The following SIN3B variants were observed in gnomAD, a reference collection of about 807,000 sequenced individuals.
The protein encoded by SIN3B is paired amphipathic helix protein Sin3b.
SIN3B carries 19 observed loss-of-function variants against 120.2 expected under a neutral mutation model. The observed-to-expected ratio is 0.16, with a 90% CI of 0.11 to 0.23. SIN3B has a LOEUF of 0.23. Among genes scored for constraint, SIN3B ranks in the 10% least tolerant of loss-of-function variants. The probability of loss-of-function intolerance (pLI) is 1.00; values close to 1 mark genes in which losing one functional copy is unlikely to be tolerated. For synonymous variants in SIN3B, 654 were observed against 653.2 expected (o/e 1.00, Z -0.02); for missense variants, 1,073 against 1,573.0 (o/e 0.68, Z 5.38).
Position 16,878,521 on chromosome 19 carries a change from C to T in SIN3B, c.3187C>T (p.His1063Tyr). 3 of 1,586,862 alleles carry T rather than the reference C, an allele frequency of 1.9e-6. No homozygotes were observed. The highest frequency in any genetic ancestry group is 2.6e-6 in the Non-Finnish European group (3 of 1,167,090). Residue 1063 changes from histidine to tyrosine, a missense_variant, in exon 19 of 19, where the codon CAC becomes TAC. His to Tyr is a moderately conservative substitution (Grantham distance 83). This residue lies in a region of SIN3B where 311 missense variants were observed against 400.3 expected (regional missense o/e 0.78). Coordinates refer to ENST00000248054, the MANE Select transcript of SIN3B (RefSeq NM_001297595.2). ...GGTGCAGCCCCTGGTCCTGCTCCGC[C>T]ACCACCAGCACTTTGAGGAGTGGCA... ...KQVQPLVLLR[H>Y]HQHFEEWHSR...
rs143147625 is a variant in SIN3B at position 16,878,345 on chromosome 19, C to T, written c.3117C>T (p.Ser1039=). 679 of 1,612,610 alleles carry T rather than the reference C, an allele frequency of 4.2e-4. 3 individuals carry two copies. The highest frequency in any genetic ancestry group is 9.2e-4 in the African/African-American group (69 of 75,048). Residue 1039 remains serine, a synonymous_variant, in exon 18 of 19, where the codon TCC becomes TCT. Coordinates refer to ENST00000248054, the MANE Select transcript of SIN3B (RefSeq NM_001297595.2). ...ACAAGATGGTGTTCATCGTGAACTCCGAGGACTACATGTACCGTCGCGGGA... is the reference window on the plus strand; with the variant it reads ...ACAAGATGGTGTTCATCGTGAACTCTGAGGACTACATGTACCGTCGCGGGA... The part of the protein sequence containing the change: ...STHKMVFIVN[S]EDYMYRRGTL...
At chr19:16,831,849 T>A (rs1183333611) in intron 3 of SIN3B, among the ~76,000 whole-genome samples, 1 of 152,090 alleles carries the variant, frequency 6.6e-6, no homozygotes, top group Non-Finnish European at 1.5e-5. Context: ...CCCAAATTGA[T>A]CTGTTTGGAA....
chr19:16,870,585 C>A (rs927058710), intron 13 of SIN3B, among the ~76,000 whole-genome samples: 31 of 151,862 alleles, frequency 2.0e-4, no homozygotes, highest in African/African-American at 7.3e-4. Flanking sequence ...TGGAGTCTTG[C>A]TCTATTGCCC....
chr19:16,876,845 T>C lies in SIN3B; in HGVS notation c.2859+267T>C. ...AGGGCAGGAGGGGAACCAAGCCACC[T>C]CTCCCTGGCCCCCGACTCCCACTCA... On this transcript the variant is annotated intron_variant, in intron 16 of 18. Coordinates refer to ENST00000248054, the MANE Select transcript of SIN3B (RefSeq NM_001297595.2). This position sits in a 1 kb window ranked among gnomAD's most constrained non-coding sequence, Gnocchi z 7.1. 1 of 402,908 alleles carries C rather than the reference T, an allele frequency of 2.5e-6. No homozygotes were observed. Among genetic ancestry groups the C allele is most frequent in the Non-Finnish European group, 4.5e-6 (1 of 222,886 alleles). The allele number at this position is 402,908 out of a possible 1,614,324, so 25.0% of individuals were successfully genotyped here. A position where few individuals can be genotyped will look rare whatever the true frequency, so the allele number is the denominator to read the frequency against.
At chr19:16,875,786 G>A (rs1334209568) in intron 14 of SIN3B, 1 of 500,224 alleles carries the variant, frequency 2.0e-6, no homozygotes, top group Non-Finnish European at 3.5e-6. Flanking sequence ...GGTCTGGTCT[G>A]GTCTGGTCTG....
chr19:16,860,948 C>T (rs750890422), intron 8 of SIN3B, among the ~76,000 whole-genome samples: 6 of 152,086 alleles, frequency 3.9e-5, no homozygotes, highest in Non-Finnish European at 8.8e-5. Context: ...CGGGGTCCTG[C>T]TCTGTTGCCC....
chr19:16,841,985 C>T lies in SIN3B; in HGVS notation c.582+17C>T. 6.2e-7 allele frequency: 1 copy of T among 1,602,482 alleles called. No individual in the cohort carries two copies. Among genetic ancestry groups the T allele is most frequent in the South Asian group, 1.1e-5 (1 of 90,808 alleles). ...ACGTACCAGGTAAGAACTCAGATTA[C>T]AATTCCTTGTGGGTTTTGGATTTCA... On this transcript the variant is annotated intron_variant, in intron 4 of 18. Transcript: ENST00000248054.
Position 16,876,822 on chromosome 19 carries a change from G to A in SIN3B, c.2859+244G>A. 2.2e-6 allele frequency: 1 copy of A among 452,040 alleles called. No individual in the cohort carries two copies. Among genetic ancestry groups the A allele is most frequent in the Non-Finnish European group, 4.0e-6 (1 of 252,216 alleles). The allele number at this position is 452,040 out of a possible 1,614,324, so 28.0% of individuals were successfully genotyped here. On this transcript the variant is annotated intron_variant, in intron 16 of 18. Coordinates refer to ENST00000248054, the MANE Select transcript of SIN3B (RefSeq NM_001297595.2). The surrounding 1 kb of genome is among the most constrained non-coding windows in gnomAD (Gnocchi z 7.1). ...TCCTGAGCAAGCGGTTGTGTCCCAG[G>A]GCAGGAGGGGAACCAAGCCACCTCT...
Position 16,876,331 on chromosome 19 carries a change from G to A in SIN3B, c.2766+103G>A. 1 of 1,433,050 alleles carries A rather than the reference G, an allele frequency of 7.0e-7. No homozygotes were observed. Among genetic ancestry groups the A allele is most frequent in the South Asian group, 1.3e-5 (1 of 76,166 alleles). The allele number at this position is 1,433,050 out of a possible 1,614,324, so 88.8% of individuals were successfully genotyped here. ...CCCTGGTTCAGCGGCTGGGACACCG[G>A]CCCTGCTGCAGAGCCCATGAGGTAC... On this transcript the variant is annotated intron_variant, in intron 15 of 18. Coordinates refer to ENST00000248054, the MANE Select transcript of SIN3B (RefSeq NM_001297595.2). This position sits in a 1 kb window ranked among gnomAD's most constrained non-coding sequence, Gnocchi z 7.1.
At chr19:16,854,613 G>C (rs549258623) in intron 8 of SIN3B, 3 of 184,886 alleles carry the variant, frequency 1.6e-5, no homozygotes, top group African/African-American at 7.2e-5. Context: ...CCATGTCTGC[G>C]TGGATTTTCT....
chr19:16,874,293 T>G (rs1336465017), intron 14 of SIN3B, among the ~76,000 whole-genome samples: 2 of 152,120 alleles, frequency 1.3e-5, no homozygotes, highest in Non-Finnish European at 2.9e-5. Flanking sequence ...GTCTGTTTTG[T>G]TCAGGTCTGG....
At chr19:16,839,928 C>T (rs941494315) in intron 3 of SIN3B, among the ~76,000 whole-genome samples, 1 of 151,974 alleles carries the variant, frequency 6.6e-6, no homozygotes, top group African/African-American at 2.4e-5. Context: ...CACTTGAACC[C>T]GGGAGGCAAA....
chr19:16,850,317 G>T (rs1221768210), intron 5 of SIN3B, among the ~76,000 whole-genome samples: 6 of 152,128 alleles, frequency 3.9e-5, no homozygotes, highest in African/African-American at 1.2e-4. Context: ...TCTTCTCAGA[G>T]GTTAGCACTT....
intron 5 of SIN3B, among the ~76,000 whole-genome samples, chr19:16,850,464 T>C (rs1971530389): frequency 6.6e-6 from 1 of 152,138 alleles, no homozygotes; most frequent in Non-Finnish European, 1.5e-5. Flanking sequence ...TGTTTGTTTG[T>C]TTTATTTCAG....
At chr19:16,872,590 C>T (rs71336795) in intron 14 of SIN3B, 24,974 of 152,072 alleles carry the variant, frequency 0.16, 2,537 homozygotes, top group Non-Finnish European at 0.22. Flanking sequence ...ATTACAGGTG[C>T]GCACCACCAC....
Position 16,878,761 on chromosome 19 carries a change from A to G in SIN3B, c.*34A>G, listed in dbSNP as rs1483017182. ...CATGGGCACCGGGCAGGCGCCTCAC[A>G]GAGCACAGACGTGCCCTCGGCCTTG... On this transcript the variant is annotated 3_prime_UTR_variant, in exon 19 of 19. Coordinates refer to ENST00000248054, the MANE Select transcript of SIN3B (RefSeq NM_001297595.2). The G allele has an allele frequency of 1.3e-6, 2 of 1,549,356 alleles. No homozygotes were observed. Among genetic ancestry groups the G allele is most frequent in the East Asian group, 4.8e-5 (2 of 42,086 alleles).
At position 16,876,273 on chromosome 19, in the gene SIN3B, G is replaced by A. The variant is rs757613832; in HGVS notation, c.2766+45G>A. ...TGGGAACACGCCGGGAGGCCCGGCC[G>A]CTCACTCCGCTCTGGACTCAGTCCT... is the stretch of plus-strand genomic sequence containing the variant. On this transcript the variant is annotated intron_variant, in intron 15 of 18. Transcript: ENST00000248054. This position sits in a 1 kb window ranked among gnomAD's most constrained non-coding sequence, Gnocchi z 7.1. The A allele has an allele frequency of 2.1e-5, 33 of 1,572,694 alleles. No individual in the cohort carries two copies. Among genetic ancestry groups the A allele is most frequent in the Middle Eastern group, 1.7e-4 (1 of 5,850 alleles).
At chr19:16,860,852 CA>C (rs564326249) in intron 8 of SIN3B, among the ~76,000 whole-genome samples, 76 of 152,140 alleles carry the variant, frequency 5.0e-4, no homozygotes, top group African/African-American at 1.8e-3. Context: ...CTCGGCCTCC[CA>C]AAGTTCTGGG....
chr19:16,844,857 C>T (rs1971460573), intron 4 of SIN3B, among the ~76,000 whole-genome samples: 1 of 152,176 alleles, frequency 6.6e-6, no homozygotes, highest in Non-Finnish European at 1.5e-5. Context: ...GGGAGGAGGT[C>T]ATCTGAAATC....
Sources: allele counts gnomAD v4.1 joint callset (sites outside exome capture counted in the v4.1 genomes callset), GRCh38; gene constraint gnomAD v4.1.1; regional missense constraint gnomAD v4.1.1; non-coding constraint Gnocchi (gnomAD v3.1); transcripts MANE v1.5; gene names NCBI Gene and HGNC (gene_info 2026-07-23, HGNC 2026-07-21).